The following ADH1B variants were observed in gnomAD, a reference collection of about 807,000 sequenced individuals.
The protein encoded by ADH1B is alcohol dehydrogenase 1B (class I), beta polypeptide.
ADH1B carries 29 observed loss-of-function variants against 34.6 expected under a neutral mutation model. The ratio of observed to expected loss-of-function variants is 0.84; its 90% confidence interval spans 0.62 to 1.14. The LOEUF is 1.14. Among genes scored for constraint, ADH1B ranks in the 50% most tolerant of loss-of-function variants. The probability of loss-of-function intolerance (pLI) is 0.00; values close to 1 mark genes in which losing one functional copy is unlikely to be tolerated. For missense variants in ADH1B, 424 were observed against 468.4 expected (o/e 0.91, Z 0.87); for synonymous variants, 170 against 175.5 (o/e 0.97, Z 0.25).
intron 1 of ADH1B, chr4:99,319,324 G>C (rs1458365110): frequency 8.9e-6 from 2 of 223,686 alleles, no homozygotes; most frequent in Admixed American, 1.1e-4. Flanking sequence ...TAGGCCAAAA[G>C]GATCTGACTC....
chr4:99,313,646 A>G, intron 6 of ADH1B, 175 bp downstream of exon 6: 2 of 1,233,202 alleles, frequency 1.6e-6, no homozygotes, highest in South Asian at 1.5e-5. Context: ...TGGGTAATTG[A>G]TGGAAGAGAA....
rs1383402509 is a variant in ADH1B, at chr4:99,305,579, A to G, written c.*2261T>C. The G allele has an allele frequency of 5.5e-4, 49 of 89,258 alleles. 3 individuals carry two copies. The highest frequency in any genetic ancestry group is 1.6e-3 in the African/African-American group (40 of 24,942). The allele number at this position is 89,258 out of a possible 1,614,324, so 5.5% of individuals were successfully genotyped here. On this transcript the variant is annotated 3_prime_UTR_variant, in exon 9 of 9. Transcript: ENST00000305046. ...CCATAGTGTATATATATATATATATATATATATATATATATATATATATAT... is the reference window on the plus strand; with the variant it reads ...CCATAGTGTATATATATATATATATGTATATATATATATATATATATATAT...
chr4:99,308,317 A>G (rs1024041262), intron 8 of ADH1B, among the ~76,000 whole-genome samples: 1 of 150,748 alleles, frequency 6.6e-6, no homozygotes, highest in Non-Finnish European at 1.5e-5. Context: ...AGAGATTATA[A>G]AAACTGAGAC....
At chr4:99,313,654 GA>G in intron 6 of ADH1B, 166 bp downstream of exon 6, 1 of 1,307,288 alleles carries the variant, frequency 7.6e-7, no homozygotes, top group Non-Finnish European at 1.0e-6. Flanking sequence ...TGATGGAAGA[GA>G]AGATTTCTCA....
Position 99,318,188 on chromosome 4 carries a change from C to CTGTTCAG in ADH1B, c.121-5_121-4insCTGAACA. 6.2e-7 allele frequency: 1 copy of CTGTTCAG among 1,613,972 alleles called. No homozygotes were observed. Among genetic ancestry groups the CTGTTCAG allele is most frequent in the South Asian group, 1.1e-5 (1 of 91,054 alleles). ...GACAGATTCCTACAGCCACCATCTA[C>CTGTTCAG]AGAATAAAGAGAAGCTGTTCAGATT... On this transcript the variant is annotated splice_region_variant and splice_polypyrimidine_tract_variant and intron_variant, in intron 2 of 8. Transcript: ENST00000305046.
At position 99,318,792 on chromosome 4, in the gene ADH1B, C is replaced by G. The variant is rs777100313; in HGVS notation, c.113G>C (p.Arg38Pro). Residue 38 changes from arginine to proline, a missense_variant, in exon 2 of 9, where the codon CGC (arginine) becomes CCC (proline). Arg to Pro is a moderately radical substitution (Grantham distance 103). This residue lies in a region of ADH1B where 291 missense variants were observed against 300.4 expected (regional missense o/e 0.97). Transcript: ENST00000305046. ...AATGGAAAAATATTTCACCTTAATG[C>G]GAACTTCATAAGCCTTAGGAGGTGC... ...EVAPPKAYEV[R>P]IKMVAVGICH... The G allele has an allele frequency of 4.2e-5, 67 of 1,609,884 alleles. No individual in the cohort carries two copies. Among genetic ancestry groups the G allele is most frequent in the Non-Finnish European group, 5.5e-5 (65 of 1,178,144 alleles).
rs375685735 is a variant in ADH1B, at chr4:99,316,272, T to G, written c.290A>C (p.Gln97Pro). ...TTTACAAACTCTGCATTTTCCACACTGAGGAGTAAAGAGCGGGATGACTTT... is the reference window on the plus strand; with the variant it reads ...TTTACAAACTCTGCATTTTCCACACGGAGGAGTAAAGAGCGGGATGACTTT... ...GDKVIPLFTPQCGKCRVCKNP... is the reference protein window; with the variant it reads ...GDKVIPLFTPPCGKCRVCKNP... Residue 97 changes from glutamine (Q) to proline (P), a missense_variant, in exon 4 of 9, where the codon CAG becomes CCG. Around this residue, in one of 3 missense-constraint regions of ADH1B, gnomAD observed 291 missense variants for 300.4 expected, o/e 0.97. Transcript: ENST00000305046. 6.2e-7 allele frequency: 1 copy of G among 1,614,196 alleles called. No homozygotes were observed. Among genetic ancestry groups the G allele is most frequent in the Non-Finnish European group, 8.5e-7 (1 of 1,180,030 alleles).
intron 6 of ADH1B, 23 bp downstream of exon 6, chr4:99,313,798 T>G (rs1343536845): frequency 1.9e-6 from 3 of 1,614,020 alleles, no homozygotes; most frequent in Non-Finnish European, 2.5e-6. Context: ...GGCAGAAATC[T>G]CAGGGCATGT....
In ADH1B at chr4:99,307,748, A is replaced by C; in HGVS notation, c.*92T>G. On this transcript the variant is annotated 3_prime_UTR_variant, in exon 9 of 9. Transcript: ENST00000305046. ...TAATTTATTGATAACATCTCTGAAG[A>C]GCTGAATTAATGATATTTCCTAGCT... The C allele has an allele frequency of 7.0e-7, 1 of 1,433,528 alleles. No individual in the cohort carries two copies. Among genetic ancestry groups the C allele is most frequent in the Non-Finnish European group, 9.8e-7 (1 of 1,020,174 alleles). 88.8% of individuals were successfully genotyped at this position (1,433,528 alleles called of 1,614,324 possible). A position where few individuals can be genotyped will look rare whatever the true frequency, so the allele number is the denominator to read the frequency against.
chr4:99,321,049 ATC>A (rs1734012968), intron 1 of ADH1B: 1 of 602,130 alleles, frequency 1.7e-6, no homozygotes, highest in Non-Finnish European at 2.5e-6. Context: ...GGAATAAACT[ATC>A]ATTTTACTGT....
Position 99,311,632 on chromosome 4 carries a change from C to T in ADH1B, c.853G>A (p.Glu285Lys), listed in dbSNP as rs1271276092. ...ACGATGACGCTTGTGCCACATGCCT[C>T]ATGACAACATAACAGGGAAGCCATC... ...TMMASLLCCH[E>K]ACGTSVIVGV... Residue 285 changes from glutamate to lysine, a missense_variant, in exon 7 of 9, where the codon GAG becomes AAG. Physicochemically the swap from Glu to Lys is moderately conservative, Grantham distance 56. Coordinates refer to ENST00000305046, the MANE Select transcript of ADH1B (RefSeq NM_000668.6). The T allele has an allele frequency of 6.2e-7, 1 of 1,613,768 alleles. No homozygotes were observed. Among genetic ancestry groups the T allele is most frequent in the Non-Finnish European group, 8.5e-7 (1 of 1,179,896 alleles).
intron 5 of ADH1B, chr4:99,315,598 C>T (rs1432314405): frequency 4.5e-6 from 2 of 446,400 alleles, no homozygotes; most frequent in Non-Finnish European, 8.2e-6. Context: ...TATAGGTGCT[C>T]TCTAATCGTT....
rs1733595852 is a variant in ADH1B, at chr4:99,305,655, T to G, written c.*2185A>C. On this transcript the variant is annotated 3_prime_UTR_variant, in exon 9 of 9. Coordinates refer to ENST00000305046, the MANE Select transcript of ADH1B (RefSeq NM_000668.6). ...CCACTTGCCCCATAGTAAATTTTCTTTTTTCATAGTGCATGATGCAGAAGG... is the reference window on the plus strand; with the variant it reads ...CCACTTGCCCCATAGTAAATTTTCTGTTTTCATAGTGCATGATGCAGAAGG... 1 of 146,934 alleles carries G rather than the reference T, an allele frequency of 6.8e-6. No individual in the cohort carries two copies. Among genetic ancestry groups the G allele is most frequent in the Non-Finnish European group, 1.5e-5 (1 of 66,844 alleles). The allele number at this position is 146,934 out of a possible 1,614,324, so 9.1% of individuals were successfully genotyped here.
chr4:99,307,574 T>G lies in ADH1B; in HGVS notation c.*266A>C, dbSNP rs1469028258. The G allele has an allele frequency of 4.1e-6, 2 of 491,848 alleles. No homozygotes were observed. The highest frequency in any genetic ancestry group is 4.0e-5 in the African/African-American group (2 of 50,282). The allele number at this position is 491,848 out of a possible 1,614,324, so 30.5% of individuals were successfully genotyped here. A position where few individuals can be genotyped will look rare whatever the true frequency, so the allele number is the denominator to read the frequency against. ...GAATATTTTTCCTCAATGGCAAAGGTGACACAGTAGAATGGTTAAGAAGGA... is the reference window on the plus strand; with the variant it reads ...GAATATTTTTCCTCAATGGCAAAGGGGACACAGTAGAATGGTTAAGAAGGA... On this transcript the variant is annotated 3_prime_UTR_variant, in exon 9 of 9. Transcript: ENST00000305046.
intron 1 of ADH1B, chr4:99,319,836 T>G (rs1453295060): frequency 6.6e-6 from 1 of 152,194 alleles, no homozygotes. Flanking sequence ...TTTATTTTTC[T>G]GCCAATTCAT....
intron 8 of ADH1B, among the ~76,000 whole-genome samples, chr4:99,310,040 A>G (rs2110629896): frequency 6.6e-6 from 1 of 152,292 alleles, no homozygotes; most frequent in East Asian, 1.9e-4. Context: ...CTAGAAGGCA[A>G]AGGTTAGATA....
intron 3 of ADH1B, chr4:99,316,930 G>A (rs1035635302): frequency 6.6e-5 from 10 of 150,778 alleles, no homozygotes; most frequent in African/African-American, 2.4e-4. Flanking sequence ...AACAAGTTAG[G>A]CACTTTCTTT....
chr4:99,320,067 A>C (rs76977486), intron 1 of ADH1B: 155 of 152,264 alleles, frequency 1.0e-3, no homozygotes, highest in African/African-American at 3.5e-3. Context: ...TAATTTCAAT[A>C]GTTTTTGGGG....
chr4:99,318,469 T>C (rs1733943337), intron 2 of ADH1B: 1 of 519,644 alleles, frequency 1.9e-6, no homozygotes, highest in African/African-American at 2.0e-5. Flanking sequence ...AAAATAGAAG[T>C]AGAAATAGCA....
Sources: allele counts gnomAD v4.1 joint callset (sites outside exome capture counted in the v4.1 genomes callset), GRCh38; gene constraint gnomAD v4.1.1; regional missense constraint gnomAD v4.1.1; transcripts MANE v1.5; gene names NCBI Gene and HGNC (gene_info 2026-07-23, HGNC 2026-07-21).